GRM7: variants seen among roughly 807,000 people sequenced by gnomAD.
GRM7 encodes glutamate metabotropic receptor 7, also known as metabotropic glutamate receptor 7.
A neutral mutation model predicts 84.5 loss-of-function variants in GRM7; 35 were observed. The ratio of observed to expected loss-of-function variants is 0.41; its 90% CI spans 0.32 to 0.55. The LOEUF (loss-of-function observed/expected upper bound fraction) is 0.55. Among genes scored for constraint, GRM7 ranks in the 20% least tolerant of loss-of-function variants. GRM7 has a pLI of 0.19. For missense variants in GRM7, 1,003 were observed against 1,194.6 expected, an observed-to-expected ratio of 0.84 and a Z score of 2.36; for synonymous variants, 487 against 455.1, an observed-to-expected ratio of 1.07 and a Z score of -0.89.
At chr3:7,528,360 G>T (rs771059754) in intron 7 of GRM7, among the ~76,000 whole-genome samples, 2 of 151,906 alleles carry the variant, frequency 1.3e-5, no homozygotes, top group Admixed American at 1.3e-4. Context: ...CTGTGGAATT[G>T]GTTGTAATGT....
At chr3:6,986,830 C>A (rs1053181350) in intron 1 of GRM7, among the ~76,000 whole-genome samples, 3 of 152,186 alleles carry the variant, frequency 2.0e-5, no homozygotes, top group African/African-American at 7.2e-5. Flanking sequence ...TTTCTTCTCT[C>A]CTCTGAGCAC....
In GRM7 at chr3:7,010,770, G is replaced by A. The variant is rs1695342504; in HGVS notation, c.520-135682G>A. Among the ~76,000 whole-genome samples, 4 of 152,188 alleles carry A rather than the reference G, an allele frequency of 2.6e-5. No homozygotes were observed. The South Asian group carries it at 8.3e-4, about 32-fold the overall frequency. ...TTGCAGCATGGGGTGGAGAGCCAGA[G>A]TGTAGAAACCATCCTCCAAGGTTCA... On this transcript the variant is annotated intron_variant, in intron 1 of 9. Coordinates refer to ENST00000357716, the MANE Select transcript of GRM7 (RefSeq NM_000844.4).
At chr3:7,190,190 T>C (rs1245414127) in intron 2 of GRM7, among the ~76,000 whole-genome samples, 1 of 152,170 alleles carries the variant, frequency 6.6e-6, no homozygotes, top group Non-Finnish European at 1.5e-5. Flanking sequence ...GCAAATATCC[T>C]CTCTCTGTGC....
chr3:7,520,269 G>A (rs748702822), intron 7 of GRM7: 5 of 152,120 alleles, frequency 3.3e-5, no homozygotes, highest in Admixed American at 1.3e-4. Flanking sequence ...ATTATCCATG[G>A]TTGCTGGAGC....
chr3:7,587,810 G>A (rs1406445634), intron 8 of GRM7, among the ~76,000 whole-genome samples: 1 of 152,162 alleles, frequency 6.6e-6, no homozygotes, highest in African/African-American at 2.4e-5. Context: ...ACAACCTGAA[G>A]GGTGCAGAAG....
intron 2 of GRM7, among the ~76,000 whole-genome samples, chr3:7,196,216 A>G (rs1293749339): frequency 6.6e-6 from 1 of 151,986 alleles, no homozygotes; most frequent in African/African-American, 2.4e-5. Flanking sequence ...TGCTCCAGAG[A>G]AGAGTTTTTT....
At chr3:7,402,083 T>C (rs1695477568) in intron 4 of GRM7, among the ~76,000 whole-genome samples, 1 of 152,082 alleles carries the variant, frequency 6.6e-6, no homozygotes, top group African/African-American at 2.4e-5. Context: ...TTGACTCATC[T>C]CCCCAGGCAA....
chr3:7,531,988 A>G (rs1701054790), intron 7 of GRM7, among the ~76,000 whole-genome samples: 1 of 152,024 alleles, frequency 6.6e-6, no homozygotes. Flanking sequence ...ATCAGTACCT[A>G]GTTTATTGCG....
chr3:6,947,222 G>A (rs527847925), intron 1 of GRM7, among the ~76,000 whole-genome samples: 1 of 152,256 alleles, frequency 6.6e-6, no homozygotes, highest in African/African-American at 2.4e-5. Context: ...TTTGAGCTAT[G>A]TCCCATCAAT....
chr3:7,578,523 T>C lies in GRM7; in HGVS notation c.1617T>C (p.Thr539=). The C allele has an allele frequency of 6.2e-7, 1 of 1,613,930 alleles. No individual in the cohort carries two copies. The highest frequency in any genetic ancestry group is 8.5e-7 in the Non-Finnish European group (1 of 1,179,864). Residue 539 remains threonine, a synonymous_variant, in exon 8 of 10, where the codon ACT becomes ACC. Transcript: ENST00000357716. ...PGQRKKTQKG[T]PCCWTCEPCD... ...AGAGAAAGAAGACACAGAAAGGAAC[T>C]CCTTGCTGTTGGACCTGTGAGCCTT...
chr3:7,499,861 G>A (rs111896903), intron 7 of GRM7, among the ~76,000 whole-genome samples: 6 of 150,732 alleles, frequency 4.0e-5, no homozygotes, highest in African/African-American at 1.5e-4. Flanking sequence ...TGCAAGCTCC[G>A]CCTCCCAGAT....
At chr3:7,264,802 TC>T in intron 2 of GRM7, among the ~76,000 whole-genome samples, 1 of 1,466 alleles carries the variant, frequency 6.8e-4, no homozygotes, top group Admixed American at 9.1e-3. Flanking sequence ...CTGCGGTACT[TC>T]CAGTACAGGC....
chr3:7,057,131 G>T (rs1366783495), intron 1 of GRM7, among the ~76,000 whole-genome samples: 1 of 151,904 alleles, frequency 6.6e-6, no homozygotes, highest in African/African-American at 2.4e-5. Context: ...AGTAAGTGTT[G>T]CCTGTGATAG....
chr3:6,927,421 C>G (rs1266231094), intron 1 of GRM7, among the ~76,000 whole-genome samples: 1 of 139,622 alleles, frequency 7.2e-6, no homozygotes, highest in Non-Finnish European at 1.6e-5. Flanking sequence ...GAGCTAGACT[C>G]TTGTCAGAAA....
chr3:7,383,660 G>A (rs548215028), intron 4 of GRM7, among the ~76,000 whole-genome samples: 19 of 152,122 alleles, frequency 1.2e-4, no homozygotes, highest in Middle Eastern at 3.4e-3. Context: ...TTCCACCCCC[G>A]CAACAGTCCA....
rs141596610 is a variant in GRM7, at chr3:7,727,284, A to T, written c.2699-13073A>T. Among the ~76,000 whole-genome samples, 534 of 152,284 alleles carry T rather than the reference A, an allele frequency of 3.5e-3. 9 individuals carry two copies. In the East Asian group the frequency reaches 0.066, roughly 19 times the overall value. The stretch of plus-strand genomic sequence containing the variant: ...GCAAATTATATTGTACATCATCATG[A>T]ACATCTTAATGCAGTTAACAGGGTC... On this transcript the variant is annotated intron_variant, in intron 9 of 9. Transcript: ENST00000357716.
At chr3:7,485,801 C>T (rs557949823) in intron 7 of GRM7, among the ~76,000 whole-genome samples, 38 of 152,262 alleles carry the variant, frequency 2.5e-4, no homozygotes, top group Admixed American at 5.2e-4. Flanking sequence ...CCAAGAGAAT[C>T]GCTGATGCCA....
intron 4 of GRM7, among the ~76,000 whole-genome samples, chr3:7,398,456 A>G (rs1695306774): frequency 1.3e-5 from 2 of 152,268 alleles, no homozygotes; most frequent in South Asian, 4.1e-4. Context: ...AGAGCTTCCT[A>G]AAGTTTAGAT....
At chr3:6,865,546 G>T (rs1041611440) in intron 1 of GRM7, among the ~76,000 whole-genome samples, 5 of 92,114 alleles carry the variant, frequency 5.4e-5, no homozygotes, top group African/African-American at 1.2e-4. Flanking sequence ...GATTCAGGTG[G>T]ATTTTTTTTT....
Sources: gnomAD v4.1 joint callset for allele counts (sites outside exome capture counted in the v4.1 genomes callset) on GRCh38, gnomAD v4.1.1 for gene constraint, MANE v1.5 for transcripts, NCBI Gene and HGNC (gene_info 2026-07-23, HGNC 2026-07-21) for gene names.